LVRN: variants seen among roughly 807,000 people sequenced by gnomAD.
LVRN encodes laeverin.
A neutral mutation model predicts 111.4 loss-of-function variants in LVRN; 99 were observed. The observed-to-expected ratio is 0.89, with a 90% CI of 0.76 to 1.05. LVRN has a LOEUF of 1.05. Ranked by LOEUF, LVRN falls within the 50% of genes least tolerant of loss-of-function variation. LVRN has a pLI of 0.00. For synonymous variants in LVRN, 488 were observed against 449.5 expected (o/e 1.09, Z -1.08); for missense variants, 1,414 against 1,206.8 (o/e 1.17, Z -2.54).
At position 115,977,491 on chromosome 5, in the gene LVRN, G is replaced by A. The variant is rs561675760; in HGVS notation, c.696-5796G>A. 2.5e-4 allele frequency among the ~76,000 whole-genome samples: 38 copies of A among 152,340 alleles called. 1 individual carries two copies. The highest frequency in any genetic ancestry group is 7.2e-4 in the African/African-American group (30 of 41,588). ...GTTTTAAAACTGTTTTCAGCAGAAG[G>A]CTGATTTGAGCCTATGTTACTCCCT... On this transcript the variant is annotated intron_variant, in intron 1 of 19. Transcript: ENST00000357872.
In LVRN at chr5:115,987,940, G is replaced by A. The variant is rs745952155; in HGVS notation, c.1105+1G>A. The A allele has an allele frequency of 1.2e-6, 2 of 1,608,958 alleles. No homozygotes were observed. Among genetic ancestry groups the A allele is most frequent in the South Asian group, 1.1e-5 (1 of 89,862 alleles). On this transcript the variant is annotated splice_donor_variant, in intron 4 of 19. Coordinates refer to ENST00000357872, the MANE Select transcript of LVRN (RefSeq NM_173800.5). LOFTEE classifies it high-confidence loss of function. ...ATCAGTTACTCTCTTCCAAAAACAG[G>A]TGAGGTAATCTTTTCCTTTCAGTGC... is the stretch of plus-strand genomic sequence containing the variant.
chr5:115,981,859 T>C (rs1255599710), intron 1 of LVRN, among the ~76,000 whole-genome samples: 1 of 152,088 alleles, frequency 6.6e-6, no homozygotes, highest in Admixed American at 6.5e-5. Flanking sequence ...TCGGAAGGGA[T>C]ATAGGAGAAT....
At chr5:116,011,595 C>T (rs1029783311) in intron 14 of LVRN, among the ~76,000 whole-genome samples, 2 of 152,166 alleles carry the variant, frequency 1.3e-5, no homozygotes, top group Middle Eastern at 3.4e-3. Flanking sequence ...ATTTCTGGAC[C>T]ATTCAGAGGG....
chr5:115,983,296 A>T lies in LVRN; in HGVS notation c.705A>T (p.Leu235Phe). The change falls in exon 2 of 20, where the codon TTA becomes TTT. Residue 235 changes from leucine (L) to phenylalanine (F), a missense_variant. By Grantham distance (22) the Leu-to-Phe change is conservative. Transcript: ENST00000357872. The stretch of plus-strand genomic sequence containing the variant: ...CCAAAATGTATTTCAGGGCCCTGTT[A>T]GCGTCCCAGCTGGAACCAACATTTG... The part of the protein sequence containing the change: ...YTDQGERRAL[L>F]ASQLEPTFAR... The T allele has an allele frequency of 6.3e-7, 1 of 1,588,146 alleles. No individual in the cohort carries two copies. The highest frequency in any genetic ancestry group is 8.5e-7 in the Non-Finnish European group (1 of 1,172,362).
Position 115,962,499 on chromosome 5 carries a change from G to C in LVRN, c.-119G>C. On this transcript the variant is annotated 5_prime_UTR_variant, in exon 1 of 20. Coordinates refer to ENST00000357872, the MANE Select transcript of LVRN (RefSeq NM_173800.5). Reference sequence around the variant, plus strand: ...CAGTCCGTCCAGGCTCTTCCAGGAGGAAGAGGCACGATACAAGAGAGGAGG... The same window carrying C: ...CAGTCCGTCCAGGCTCTTCCAGGAGCAAGAGGCACGATACAAGAGAGGAGG... 2.2e-6 allele frequency: 2 copies of C among 911,928 alleles called. No individual in the cohort carries two copies. Among genetic ancestry groups the C allele is most frequent in the Non-Finnish European group, 3.4e-6 (2 of 592,906 alleles). 56.5% of individuals were successfully genotyped at this position (911,928 alleles called of 1,614,324 possible).
intron 4 of LVRN, among the ~76,000 whole-genome samples, chr5:115,988,890 C>T (rs1747924384): frequency 6.6e-6 from 1 of 152,128 alleles, no homozygotes; most frequent in African/African-American, 2.4e-5. Context: ...CGCCCCTTGT[C>T]TTGGCAAGAA....
At chr5:115,999,027 T>G (rs1748179774) in intron 6 of LVRN, among the ~76,000 whole-genome samples, 2 of 152,144 alleles carry the variant, frequency 1.3e-5, no homozygotes, top group African/African-American at 2.4e-5. Flanking sequence ...AGGGTTCCCG[T>G]GGATCATGAG....
At chr5:115,991,296 T>C (rs866650134) in intron 4 of LVRN, among the ~76,000 whole-genome samples, 27 of 152,336 alleles carry the variant, frequency 1.8e-4, no homozygotes, top group African/African-American at 6.3e-4. Flanking sequence ...TGGAATTGCA[T>C]AGTATGTAGC....
At position 115,962,945 on chromosome 5, in the gene LVRN, G is replaced by A. The variant is rs139352149; in HGVS notation, c.328G>A (p.Glu110Lys). 57 of 1,613,012 alleles carry A rather than the reference G, an allele frequency of 3.5e-5. No homozygotes were observed. In the African/African-American group the frequency reaches 5.7e-4, roughly 16 times the overall value. Residue 110 changes from glutamate to lysine, a missense_variant, in exon 1 of 20, where the codon GAG (glutamate) becomes AAG (lysine). Transcript: ENST00000357872. ...GCTCGTGCCGCTGCACTACGATCTG[G>A]AGCTGTGGCCGCAGCTGAGGCCCGA... ...PWLVPLHYDL[E>K]LWPQLRPDEL... is the part of the protein sequence containing the mutation.
chr5:116,024,927 T>C (rs2560686), intron 19 of LVRN, among the ~76,000 whole-genome samples: 57,191 of 151,958 alleles, frequency 0.38, 10,967 homozygotes, highest in Non-Finnish European at 0.42. Flanking sequence ...AAGTCATTTG[T>C]CTCCCTCGTC....
intron 1 of LVRN, among the ~76,000 whole-genome samples, chr5:115,973,745 A>G (rs1753376757): frequency 6.6e-6 from 1 of 152,162 alleles, no homozygotes; most frequent in Non-Finnish European, 1.5e-5. Flanking sequence ...ATCTGTAGTG[A>G]CATCACCTTT....
intron 1 of LVRN, chr5:115,975,227 GT>G: frequency 2.1e-6 from 1 of 479,346 alleles, no homozygotes; most frequent in South Asian, 1.6e-5. Flanking sequence ...ATTATCTTGG[GT>G]TCACACCCCA....
At chr5:115,965,076 G>C (rs1753174628) in intron 1 of LVRN, among the ~76,000 whole-genome samples, 1 of 152,154 alleles carries the variant, frequency 6.6e-6, no homozygotes, top group Non-Finnish European at 1.5e-5. Context: ...CTCATTCACG[G>C]AATAGATATA....
intron 12 of LVRN, among the ~76,000 whole-genome samples, chr5:116,005,394 G>A (rs1230652443): frequency 6.6e-6 from 1 of 152,186 alleles, no homozygotes; most frequent in Non-Finnish European, 1.5e-5. Context: ...CTGGCAATTG[G>A]CCCCTGCCAT....
At position 116,014,512 on chromosome 5, in the gene LVRN, A is replaced by T. The variant is rs1328448978; in HGVS notation, c.2435A>T (p.Asp812Val). The T allele has an allele frequency of 1.2e-6, 2 of 1,613,112 alleles. No homozygotes were observed. Among genetic ancestry groups the T allele is most frequent in the African/African-American group, 1.3e-5 (1 of 75,024 alleles). The stretch of plus-strand genomic sequence containing the variant: ...AAAGAACTTTTCGCAAAATGGGTGG[A>T]TCATCCAGAAAATGAGTAAGAGTAA... Reference protein sequence around the residue: ...LSKELFAKWVDHPENEIPYPI... With the variant: ...LSKELFAKWVVHPENEIPYPI... Residue 812 changes from aspartate to valine, a missense_variant, in exon 16 of 20, where the codon GAT becomes GTT. By Grantham distance (152) the Asp-to-Val change is radical. Coordinates refer to ENST00000357872, the MANE Select transcript of LVRN (RefSeq NM_173800.5).
In LVRN at chr5:115,962,994, C is replaced by T. The variant is rs754877311; in HGVS notation, c.377C>T (p.Pro126Leu). The stretch of plus-strand genomic sequence containing the variant: ...GACGAGCTTCCGGCCGGGTCTTTGC[C>T]CTTCACTGGCCGCGTGAACATCACG... Reference protein sequence around the residue: ...RPDELPAGSLPFTGRVNITVR... With the variant: ...RPDELPAGSLLFTGRVNITVR... The change falls in exon 1 of 20, where the codon CCC becomes CTC. Residue 126 changes from proline to leucine, a missense_variant. Pro to Leu is a moderately conservative substitution (Grantham distance 98). Coordinates refer to ENST00000357872, the MANE Select transcript of LVRN (RefSeq NM_173800.5). The T allele has an allele frequency of 6.2e-7, 1 of 1,613,584 alleles. No homozygotes were observed. The highest frequency in any genetic ancestry group is 8.5e-7 in the Non-Finnish European group (1 of 1,179,914).
chr5:115,966,462 A>G (rs980249599), intron 1 of LVRN, among the ~76,000 whole-genome samples: 10 of 152,152 alleles, frequency 6.6e-5, no homozygotes. Context: ...GGGTTATTTT[A>G]GTTGTTTCCA....
intron 1 of LVRN, among the ~76,000 whole-genome samples, chr5:115,982,770 A>G (rs529807830): frequency 5.9e-5 from 9 of 152,240 alleles, no homozygotes; most frequent in Non-Finnish European, 4.4e-5. Context: ...GTTTTGTTCA[A>G]TCAGCATGTA....
intron 1 of LVRN, among the ~76,000 whole-genome samples, chr5:115,982,642 C>G (rs1452836313): frequency 1.3e-5 from 2 of 152,126 alleles, no homozygotes; most frequent in African/African-American, 4.8e-5. Context: ...TGTCCCTAAG[C>G]TTTTCCCTGT....
Sources: allele counts gnomAD v4.1 joint callset (sites outside exome capture counted in the v4.1 genomes callset), GRCh38; gene constraint gnomAD v4.1.1; transcripts MANE v1.5; gene names NCBI Gene and HGNC (gene_info 2026-07-23, HGNC 2026-07-21).